The following PLEKHH2 variants were observed in gnomAD, a reference collection of about 807,000 sequenced individuals.
PLEKHH2 encodes the protein pleckstrin homology, MyTH4 and FERM domain containing H2.
In PLEKHH2, 129 loss-of-function variants were observed where a neutral mutation model predicts 187.9. That is an observed-to-expected ratio of 0.69 (90% CI 0.59 to 0.79). PLEKHH2 has a LOEUF of 0.79. Ranked by LOEUF, PLEKHH2 falls within the 30% of genes least tolerant of loss-of-function variation. PLEKHH2 has a pLI of 0.00. For missense variants in PLEKHH2, 2,076 were observed against 1,751.2 expected (o/e 1.19, Z -3.31); for synonymous variants, 686 against 605.6 (o/e 1.13, Z -1.95).
intron 2 of PLEKHH2, among the ~76,000 whole-genome samples, chr2:43,670,861 C>G (rs970628645): frequency 2.0e-5 from 3 of 152,202 alleles, no homozygotes; most frequent in Non-Finnish European, 4.4e-5. Context: ...TTGTGATTTT[C>G]AGCATATAAA....
chr2:43,756,967 C>T, intron 25 of PLEKHH2, 152 bp from the exon 26 acceptor site: 2 of 503,214 alleles, frequency 4.0e-6, no homozygotes, highest in Non-Finnish European at 6.4e-6. Context: ...AAAATTCCTA[C>T]ATATGATTAT....
Position 43,762,352 on chromosome 2 carries a change from C to G in PLEKHH2, c.4120C>G (p.His1374Asp). Residue 1374 changes from histidine to aspartate, a missense_variant, in exon 28 of 30, where the codon CAT becomes GAT. By Grantham distance (81) the His-to-Asp change is moderately conservative. Transcript: ENST00000282406. ...AAGTACTTTCTTGTGGCTGGCTGTA[C>G]ATGAGGATGGTTTAAGCCTCTTAGA... ...LGSTFLWLAVHEDGLSLLEYN... is the reference protein window; with the variant it reads ...LGSTFLWLAVDEDGLSLLEYN... 6.2e-7 allele frequency: 1 copy of G among 1,613,290 alleles called. No homozygotes were observed. Among genetic ancestry groups the G allele is most frequent in the Non-Finnish European group, 8.5e-7 (1 of 1,179,322 alleles).
chr2:43,643,090 G>A (rs1024532016), intron 1 of PLEKHH2, among the ~76,000 whole-genome samples: 3 of 152,026 alleles, frequency 2.0e-5, no homozygotes, highest in African/African-American at 4.8e-5. Context: ...AACTGTGAAC[G>A]TGTTTGTGAT....
At chr2:43,741,281 G>A in intron 21 of PLEKHH2, 1 of 305,010 alleles carries the variant, frequency 3.3e-6, no homozygotes, top group South Asian at 8.3e-5. Flanking sequence ...ATATTTTTAA[G>A]TGAAAAGTGC....
chr2:43,751,910 G>T (rs955883216), intron 24 of PLEKHH2, among the ~76,000 whole-genome samples: 3 of 146,846 alleles, frequency 2.0e-5, no homozygotes, highest in African/African-American at 2.5e-5. Context: ...GTCCAGTATT[G>T]TTTCTCTCTC....
intron 18 of PLEKHH2, among the ~76,000 whole-genome samples, chr2:43,731,272 A>G (rs952366406): frequency 1.3e-5 from 2 of 152,210 alleles, no homozygotes; most frequent in African/African-American, 2.4e-5. Flanking sequence ...GGAAATTTTT[A>G]AAATTAAAAA....
At chr2:43,644,447 G>A (rs1010708615) in intron 1 of PLEKHH2, among the ~76,000 whole-genome samples, 6 of 84,680 alleles carry the variant, frequency 7.1e-5, no homozygotes, top group Admixed American at 5.9e-4. Context: ...GCACAGTTGG[G>A]CTCCATCCAG....
Position 43,712,037 on chromosome 2 carries a change from G to T in PLEKHH2, c.2302-188G>T, listed in dbSNP as rs1254522144. The T allele has an allele frequency of 5.5e-6, 7 of 1,271,578 alleles. No homozygotes were observed. The Admixed American group carries it at 2.2e-4, about 39-fold the overall frequency. The allele number at this position is 1,271,578 out of a possible 1,614,324, so 78.8% of individuals were successfully genotyped here. ...AAGTTATTTCCACAAAAATTTAATT[G>T]CTGTAATTCTCACAAAGTGGTTAAA... On this transcript the variant is annotated intron_variant, in intron 14 of 29. Transcript: ENST00000282406.
intron 2 of PLEKHH2, among the ~76,000 whole-genome samples, chr2:43,645,939 C>G (rs902377146): frequency 6.6e-6 from 1 of 152,104 alleles, no homozygotes. Context: ...TTAAATCTTC[C>G]TTTCATTGCT....
intron 27 of PLEKHH2, among the ~76,000 whole-genome samples, chr2:43,760,221 T>C (rs759083244): frequency 6.6e-6 from 1 of 152,176 alleles, no homozygotes; most frequent in Non-Finnish European, 1.5e-5. Context: ...AATAATAATA[T>C]TGCTTTTCAA....
At chr2:43,681,604 C>T (rs373175495) in intron 3 of PLEKHH2, 1 of 761,956 alleles carries the variant, frequency 1.3e-6, no homozygotes, top group African/African-American at 1.7e-5. Context: ...CTTTTTGGAG[C>T]TGTACACGAT....
intron 24 of PLEKHH2, among the ~76,000 whole-genome samples, chr2:43,751,835 C>G (rs1329709191): frequency 6.6e-6 from 1 of 151,916 alleles, no homozygotes; most frequent in African/African-American, 2.4e-5. Context: ...TCAAATTCTC[C>G]CCAAATCCCT....
intron 17 of PLEKHH2, among the ~76,000 whole-genome samples, chr2:43,727,390 G>A (rs1463639189): frequency 5.1e-4 from 58 of 114,656 alleles, no homozygotes; most frequent in African/African-American, 2.1e-3. Flanking sequence ...CCAGCCTGGC[G>A]ACAGAGCGAG....
intron 2 of PLEKHH2, among the ~76,000 whole-genome samples, chr2:43,674,362 T>C (rs999596346): frequency 2.6e-5 from 4 of 152,212 alleles, no homozygotes; most frequent in African/African-American, 9.6e-5. Context: ...TATAGTTATA[T>C]TGTAGAAGTG....
At position 43,664,071 on chromosome 2, in the gene PLEKHH2, G is replaced by T. The variant is rs1424733081; in HGVS notation, c.124-14792G>T. 1.8e-4 allele frequency among the ~76,000 whole-genome samples: 8 copies of T among 45,576 alleles called. No individual in the cohort carries two copies. In the East Asian group the frequency reaches 2.6e-3, roughly 15 times the overall value. The allele number at this position is 45,576 out of a possible 152,430, so 29.9% of individuals were successfully genotyped here. A position where few individuals can be genotyped will look rare whatever the true frequency, so the allele number is the denominator to read the frequency against. On this transcript the variant is annotated intron_variant, in intron 2 of 29. Coordinates refer to ENST00000282406, the MANE Select transcript of PLEKHH2 (RefSeq NM_172069.4). The stretch of plus-strand genomic sequence containing the variant: ...TTGATCTGTCTAATGTTGACAGTGG[G>T]GTGTTAAAGTCTCCCATTATTAATG...
chr2:43,655,280 A>G (rs559592982), intron 2 of PLEKHH2, among the ~76,000 whole-genome samples: 18 of 152,150 alleles, frequency 1.2e-4, no homozygotes, highest in African/African-American at 4.3e-4. Context: ...TGTTGGGGAT[A>G]ATTAAAAACA....
At chr2:43,679,031 T>G (rs1668025251) in intron 3 of PLEKHH2, 106 bp downstream of exon 3, 1 of 663,952 alleles carries the variant, frequency 1.5e-6, no homozygotes, top group Admixed American at 2.4e-5. Context: ...ACATCTTATC[T>G]TTTTGACTGT....
intron 2 of PLEKHH2, among the ~76,000 whole-genome samples, chr2:43,660,218 C>T (rs1230156799): frequency 6.6e-6 from 1 of 152,114 alleles, no homozygotes; most frequent in Non-Finnish European, 1.5e-5. Context: ...ATAGTTTGTT[C>T]CTGTTTATTG....
chr2:43,713,936 T>A (rs1464903364), intron 15 of PLEKHH2, among the ~76,000 whole-genome samples: 2 of 152,194 alleles, frequency 1.3e-5, no homozygotes, highest in African/African-American at 4.8e-5. Flanking sequence ...TAAAACTTAA[T>A]TCACTATTGC....
Sources: gnomAD v4.1 joint callset for allele counts (sites outside exome capture counted in the v4.1 genomes callset) on GRCh38, gnomAD v4.1.1 for gene constraint, MANE v1.5 for transcripts, NCBI Gene and HGNC (gene_info 2026-07-23, HGNC 2026-07-21) for gene names.